Variants in SEPTIN7 observed in about 807,000 individuals in gnomAD.
SEPTIN7 encodes septin-7.
Under a neutral mutation model 63.3 loss-of-function variants are expected in SEPTIN7, and 10 were observed. The ratio of observed to expected loss-of-function variants is 0.16; its 90% CI spans 0.10 to 0.27. The LOEUF (loss-of-function observed/expected upper bound fraction) is 0.27. Ranked by LOEUF, SEPTIN7 falls within the 10% of genes least tolerant of loss-of-function variation. SEPTIN7 has a pLI of 1.00. For missense variants in SEPTIN7, 310 were observed against 521.0 expected, an observed-to-expected ratio of 0.59 and a Z score of 3.94; for synonymous variants, 131 against 165.3, an observed-to-expected ratio of 0.79 and a Z score of 1.59.
At chr7:35,827,659 T>G (rs1783588480) in intron 1 of SEPTIN7, among the ~76,000 whole-genome samples, 1 of 151,988 alleles carries the variant, frequency 6.6e-6, no homozygotes, top group Admixed American at 6.5e-5. Flanking sequence ...CCCAGCTAAT[T>G]TATGTATTTT....
intron 7 of SEPTIN7, among the ~76,000 whole-genome samples, chr7:35,880,236 T>C (rs1287646324): frequency 1.4e-5 from 2 of 146,092 alleles, no homozygotes; most frequent in Non-Finnish European, 3.0e-5. Context: ...TTTTTTTTTT[T>C]TTTTTTTGAA....
At chr7:35,915,084 T>G in the SEPTIN7 span, among the ~76,000 whole-genome samples, 5 of 145,708 alleles carry the variant, frequency 3.4e-5, no homozygotes, top group African/African-American at 5.1e-5. Flanking sequence ...TGTACATATA[T>G]GTATATATGC....
downstream of SEPTIN7, among the ~76,000 whole-genome samples, chr7:35,910,775 G>T (rs375935940): frequency 2.5e-4 from 38 of 152,328 alleles, no homozygotes; most frequent in Middle Eastern, 3.4e-3. Context: ...TTTTGAGCCT[G>T]CTGAAAGGCC....
At chr7:35,811,391 T>A (rs1170897909) in intron 1 of SEPTIN7, among the ~76,000 whole-genome samples, 1 of 152,218 alleles carries the variant, frequency 6.6e-6, no homozygotes, top group East Asian at 1.9e-4. Context: ...ATGATTAACT[T>A]AAACAAATTA....
rs116883536 is a variant in SEPTIN7, at chr7:35,876,576, G to A, written c.512+2801G>A. ...GTTCAGGCCAGATGCAATGGCTTAC[G>A]CCTGTAATCCCAGCACTTTGGGGAC... On this transcript the variant is annotated intron_variant, in intron 6 of 13. Transcript: ENST00000350320. Among the ~76,000 whole-genome samples the A allele has an allele frequency of 9.4e-3, 1,433 of 152,234 alleles. 15 individuals are homozygous for A. The highest frequency in any genetic ancestry group is 0.011 in the African/African-American group (471 of 41,536).
intron 12 of SEPTIN7, chr7:35,902,237 A>G (rs922263705): frequency 6.6e-6 from 1 of 150,852 alleles, no homozygotes; most frequent in African/African-American, 2.4e-5. Context: ...TCAGAAATGG[A>G]TTGACTTGCA....
intron 3 of SEPTIN7, among the ~76,000 whole-genome samples, chr7:35,859,470 T>G (rs1216991240): frequency 2.0e-5 from 3 of 152,244 alleles, no homozygotes; most frequent in Non-Finnish European, 4.4e-5. Flanking sequence ...ACTGCTGTTG[T>G]TGGATGCAGT....
chr7:35,843,326 T>G (rs1044213587), intron 3 of SEPTIN7, among the ~76,000 whole-genome samples: 9 of 152,196 alleles, frequency 5.9e-5, no homozygotes, highest in Non-Finnish European at 1.2e-4. Flanking sequence ...AGACATCTCA[T>G]GCTAGTCCAT....
rs1787194356 is a variant in SEPTIN7, at chr7:35,885,748, C to T, written c.821-80C>T. 3 of 1,093,874 alleles carry T rather than the reference C, an allele frequency of 2.7e-6. 1 individual carries two copies. The South Asian group carries it at 4.1e-5, about 15-fold the overall frequency. 67.8% of individuals were successfully genotyped at this position (1,093,874 alleles called of 1,614,324 possible). On this transcript the variant is annotated intron_variant, in intron 9 of 13. Transcript: ENST00000350320. ...GCATTTCCTCTTCTTGTTTTTACACCCCAAGTTCCTGTGAAATATTTTTTG... is the reference window on the plus strand; with the variant it reads ...GCATTTCCTCTTCTTGTTTTTACACTCCAAGTTCCTGTGAAATATTTTTTG...
chr7:35,877,790 T>C (rs1786563164), intron 6 of SEPTIN7, among the ~76,000 whole-genome samples: 1 of 152,176 alleles, frequency 6.6e-6, no homozygotes, highest in African/African-American at 2.4e-5. Flanking sequence ...CCACGCTGGG[T>C]GCTGAGGATA....
rs557371969 is a variant in SEPTIN7, at chr7:35,896,099, G to A, written c.999-2149G>A. Among the ~76,000 whole-genome samples the A allele has an allele frequency of 9.8e-5, 15 of 152,310 alleles. No homozygotes were observed. The South Asian group carries it at 2.5e-3, about 25-fold the overall frequency. On this transcript the variant is annotated intron_variant, in intron 11 of 13. Coordinates refer to ENST00000350320, the MANE Select transcript of SEPTIN7 (RefSeq NM_001788.6). ...GCTAGCATTACAGGTGTGAACCACCGTGCCCGGCTTAAAAGATTTGAAACA... is the reference window on the plus strand; with the variant it reads ...GCTAGCATTACAGGTGTGAACCACCATGCCCGGCTTAAAAGATTTGAAACA...
chr7:35,847,713 A>C (rs1316117682), intron 3 of SEPTIN7, among the ~76,000 whole-genome samples: 8 of 152,246 alleles, frequency 5.3e-5, no homozygotes, highest in African/African-American at 1.4e-4. Flanking sequence ...TAACTTAAAA[A>C]TAAATGAGTA....
At chr7:35,856,831 T>C (rs1328222940) in intron 3 of SEPTIN7, among the ~76,000 whole-genome samples, 2 of 152,180 alleles carry the variant, frequency 1.3e-5, no homozygotes, top group African/African-American at 4.8e-5. Context: ...ATCTTCCAAT[T>C]TATAAGGAAA....
rs1163490565 is a variant in SEPTIN7 at position 35,870,946 on chromosome 7, A to G, written c.277-1720A>G. Among the ~76,000 whole-genome samples the G allele has an allele frequency of 2.0e-5, 3 of 152,132 alleles. No homozygotes were observed. The East Asian group carries it at 5.8e-4, about 29-fold the overall frequency. On this transcript the variant is annotated intron_variant, in intron 4 of 13. Transcript: ENST00000350320. ...TTATTAGGGTAACCTGATAATAGAC[A>G]TGTTATCTTAGTTGTGTGGTATGTG... is the stretch of plus-strand genomic sequence containing the variant.
At chr7:35,892,879 G>C (rs7800457) in intron 11 of SEPTIN7, among the ~76,000 whole-genome samples, 1,986 of 152,148 alleles carry the variant, frequency 0.013, 49 homozygotes, top group African/African-American at 0.046. Context: ...AAGCAAATTG[G>C]CCCAGGAGCT....
intron 4 of SEPTIN7, among the ~76,000 whole-genome samples, chr7:35,868,922 T>C (rs985192964): frequency 1.3e-5 from 2 of 152,154 alleles, no homozygotes; most frequent in African/African-American, 2.4e-5. Context: ...AGTGGAGATA[T>C]GAGGTACTTC....
downstream of SEPTIN7, among the ~76,000 whole-genome samples, chr7:35,909,246 A>G (rs533260576): frequency 3.9e-5 from 6 of 152,360 alleles, no homozygotes; most frequent in Admixed American, 3.3e-4. Context: ...TCTCTCACCC[A>G]GACACAAATG....
At position 35,906,521 on chromosome 7, in the gene SEPTIN7, T is replaced by C. The variant is rs1331952860; in HGVS notation, c.*2228T>C. 1 of 152,234 alleles carries C rather than the reference T, an allele frequency of 6.6e-6. No individual in the cohort carries two copies. Among genetic ancestry groups the C allele is most frequent in the African/African-American group, 2.4e-5 (1 of 41,448 alleles). The allele number at this position is 152,234 out of a possible 1,614,324, so 9.4% of individuals were successfully genotyped here. A position where few individuals can be genotyped will look rare whatever the true frequency, so the allele number is the denominator to read the frequency against. On this transcript the variant is annotated 3_prime_UTR_variant, in exon 14 of 14. Transcript: ENST00000350320. ...TCCACTGTTGGAGGCATTATGTAAT[T>C]TAAGTATCCTGTTAGCCACTGTCTT...
Position 35,882,517 on chromosome 7 carries a change from A to T in SEPTIN7, c.664A>T (p.Ile222Leu). ...AGAAATCCAAGAACATAAAATTAAA[A>T]TATACGAATTTCCAGAAACAGATGA... Reference protein sequence around the residue: ...MKEIQEHKIKIYEFPETDDEE... With the variant: ...MKEIQEHKIKLYEFPETDDEE... Residue 222 changes from isoleucine to leucine, a missense_variant, in exon 8 of 14, where the codon ATA becomes TTA. Physicochemically the swap from Ile to Leu is conservative, Grantham distance 5 (BLOSUM62 2). Around this residue, in one of 2 missense-constraint regions of SEPTIN7, gnomAD observed 255 missense variants for 490.5 expected, o/e 0.52. Transcript: ENST00000350320. 4 of 1,481,542 alleles carry T rather than the reference A, an allele frequency of 2.7e-6. No homozygotes were observed. Among genetic ancestry groups the T allele is most frequent in the Non-Finnish European group, 3.6e-6 (4 of 1,105,420 alleles). 91.8% of individuals were successfully genotyped at this position (1,481,542 alleles called of 1,614,324 possible). A position where few individuals can be genotyped will look rare whatever the true frequency, so the allele number is the denominator to read the frequency against.
Sources: allele counts gnomAD v4.1 joint callset (sites outside exome capture counted in the v4.1 genomes callset), GRCh38; gene constraint gnomAD v4.1.1; regional missense constraint gnomAD v4.1.1; transcripts MANE v1.5; gene names NCBI Gene and HGNC (gene_info 2026-07-23, HGNC 2026-07-21).